Variants in SAMD13 observed in about 807,000 individuals in gnomAD.
The protein encoded by SAMD13 is sterile alpha motif domain containing 13, also known as sterile alpha motif domain-containing protein 13.
Under a neutral mutation model 12.4 loss-of-function variants are expected in SAMD13, and 9 were observed. The observed-to-expected ratio is 0.72, with a 90% CI of 0.44 to 1.26. The LOEUF (loss-of-function observed/expected upper bound fraction) is 1.26. SAMD13 is among the 50% of genes most tolerant of loss of function. The pLI, the probability that SAMD13 is intolerant of heterozygous loss-of-function variation, is 0.00. For synonymous variants in SAMD13, 46 were observed against 45.4 expected, an observed-to-expected ratio of 1.01 and a Z score of -0.05; for missense variants, 84 against 119.6, an observed-to-expected ratio of 0.70 and a Z score of 1.39.
At chr1:84,302,295 T>C (rs1678468094) in intron 1 of SAMD13, among the ~76,000 whole-genome samples, 1 of 151,612 alleles carries the variant, frequency 6.6e-6, no homozygotes, top group Non-Finnish European at 1.5e-5. Context: ...AATTTATGGC[T>C]TCAGCTGAAT....
chr1:84,348,256 T>C (rs1570268235), intron 3 of SAMD13, among the ~76,000 whole-genome samples: 1 of 152,268 alleles, frequency 6.6e-6, no homozygotes, highest in South Asian at 2.1e-4. Context: ...AAAGTGGGTG[T>C]TTCTTCAGCC....
chr1:84,314,130 T>C (rs950342211), intron 2 of SAMD13, among the ~76,000 whole-genome samples: 1 of 152,132 alleles, frequency 6.6e-6, no homozygotes, highest in East Asian at 1.9e-4. Flanking sequence ...AAAGAACTTG[T>C]ATAAAACATT....
At chr1:84,313,326 T>A (rs1295772370) in intron 2 of SAMD13, among the ~76,000 whole-genome samples, 2 of 152,178 alleles carry the variant, frequency 1.3e-5, no homozygotes, top group East Asian at 1.9e-4. Flanking sequence ...AGATTTGGGA[T>A]GAATTATAAA....
At chr1:84,309,967 T>G in intron 2 of SAMD13, among the ~76,000 whole-genome samples, 1 of 152,188 alleles carries the variant, frequency 6.6e-6, no homozygotes, top group East Asian at 1.9e-4. Context: ...AGGGCAGCTT[T>G]GCAGAAGGGT....
intron 2 of SAMD13, among the ~76,000 whole-genome samples, chr1:84,312,386 C>T (rs1322915570): frequency 6.6e-6 from 1 of 151,474 alleles, no homozygotes; most frequent in Non-Finnish European, 1.5e-5. Flanking sequence ...CTCAATTCTG[C>T]TCTTTTTAGA....
chr1:84,317,732 C>T (rs557478130), intron 2 of SAMD13, among the ~76,000 whole-genome samples: 2 of 152,118 alleles, frequency 1.3e-5, no homozygotes, highest in South Asian at 4.2e-4. Flanking sequence ...GAAATGTTCC[C>T]TCCTCTTCAA....
intron 3 of SAMD13, among the ~76,000 whole-genome samples, chr1:84,337,503 A>G (rs1038531205): frequency 2.0e-5 from 3 of 152,156 alleles, no homozygotes; most frequent in African/African-American, 7.2e-5. Context: ...CCTTTCAGCC[A>G]TGGCTGGAGT....
chr1:84,345,358 T>C (rs1416452903), intron 3 of SAMD13: 1 of 386,814 alleles, frequency 2.6e-6, no homozygotes, highest in Non-Finnish European at 5.1e-6. Context: ...ACTGAATTGG[T>C]GTTTGAGAAT....
intron 3 of SAMD13, among the ~76,000 whole-genome samples, chr1:84,341,094 C>G (rs886445195): frequency 4.6e-5 from 7 of 152,208 alleles, no homozygotes; most frequent in African/African-American, 1.7e-4. Context: ...CCTCACCCTC[C>G]CATTCTCAGT....
chr1:84,331,354 A>AC lies in SAMD13; in HGVS notation c.165+5606_165+5607insC, dbSNP rs1553201703. Among the ~76,000 whole-genome samples, 347 of 82,450 alleles carry AC rather than the reference A, an allele frequency of 4.2e-3. 49 individuals carry two copies. Among genetic ancestry groups the AC allele is most frequent in the African/African-American group, 0.014 (334 of 23,256 alleles). The allele number at this position is 82,450 out of a possible 152,430, so 54.1% of individuals were successfully genotyped here. The stretch of plus-strand genomic sequence containing the variant: ...AAAAAAAAAAAAAAAAAAAAAAAAA[A>AC]AAAATTATGGATACAAACTTGTTAA... On this transcript the variant is annotated intron_variant, in intron 3 of 3. Coordinates refer to ENST00000394834, the MANE Select transcript of SAMD13 (RefSeq NM_001134663.2).
intron 3 of SAMD13, among the ~76,000 whole-genome samples, chr1:84,327,473 A>G (rs886759100): frequency 1.3e-5 from 2 of 152,036 alleles, no homozygotes; most frequent in Admixed American, 6.6e-5. Flanking sequence ...GTATGAGGGA[A>G]ATTTCTGGGT....
At chr1:84,310,773 T>C (rs1424335401) in intron 2 of SAMD13, among the ~76,000 whole-genome samples, 2 of 152,186 alleles carry the variant, frequency 1.3e-5, no homozygotes, top group Non-Finnish European at 2.9e-5. Context: ...AACATTGAAT[T>C]CAAAGGGGTT....
At chr1:84,348,436 C>G (rs1377949748) in intron 3 of SAMD13, among the ~76,000 whole-genome samples, 1 of 152,060 alleles carries the variant, frequency 6.6e-6, no homozygotes, top group African/African-American at 2.4e-5. Context: ...GTCTGTCGGT[C>G]AGTGGAGGAG....
Position 84,303,247 on chromosome 1 carries a change from G to C in SAMD13, c.13G>C (p.Asp5His). 6.2e-7 allele frequency: 1 copy of C among 1,613,138 alleles called. No individual in the cohort carries two copies. Among genetic ancestry groups the C allele is most frequent in the Non-Finnish European group, 8.5e-7 (1 of 1,179,262 alleles). MLSV[D>H]MENKENGSVG... Reference sequence around the variant, plus strand: ...CTGCAGCCTTCCCATGCTATCTGTTGACATGGAAAACAAGGAAAATGGCTC... The same window carrying C: ...CTGCAGCCTTCCCATGCTATCTGTTCACATGGAAAACAAGGAAAATGGCTC... The change falls in exon 2 of 4, where the codon GAC becomes CAC. Residue 5 changes from aspartate to histidine, a missense_variant. Coordinates refer to ENST00000394834, the MANE Select transcript of SAMD13 (RefSeq NM_001134663.2).
chr1:84,323,335 T>C (rs184539680), intron 2 of SAMD13, among the ~76,000 whole-genome samples: 1 of 152,268 alleles, frequency 6.6e-6, no homozygotes, highest in Non-Finnish European at 1.5e-5. Context: ...TAAAAACACA[T>C]AGTTAATATT....
chr1:84,329,498 C>G (rs750363085), intron 3 of SAMD13, among the ~76,000 whole-genome samples: 1 of 152,102 alleles, frequency 6.6e-6, no homozygotes, highest in East Asian at 1.9e-4. Flanking sequence ...TTTCTAGCAG[C>G]GTGACCTCTT....
chr1:84,333,633 G>A (rs535573016), intron 3 of SAMD13, among the ~76,000 whole-genome samples: 1 of 152,122 alleles, frequency 6.6e-6, no homozygotes, highest in South Asian at 2.1e-4. Context: ...GAGACTATGG[G>A]GTTTTCTAGG....
At position 84,329,541 on chromosome 1, in the gene SAMD13, A is replaced by G. The variant is rs139960994; in HGVS notation, c.165+3793A>G. Among the ~76,000 whole-genome samples the G allele has an allele frequency of 1.5e-3, 226 of 152,312 alleles. 5 individuals carry two copies. In the East Asian group the frequency reaches 0.042, roughly 28 times the overall value. On this transcript the variant is annotated intron_variant, in intron 3 of 3. Transcript: ENST00000394834. ...GTCAGGCCATTGAGCAAGATTTATC[A>G]GAGGGCAAGATTTGTCCTGTGTTCC... is the stretch of plus-strand genomic sequence containing the variant.
At chr1:84,320,595 T>C (rs879287452) in intron 2 of SAMD13, among the ~76,000 whole-genome samples, 1 of 152,226 alleles carries the variant, frequency 6.6e-6, no homozygotes, top group Admixed American at 6.5e-5. Flanking sequence ...AAGAGATCAA[T>C]ATTAATTTAT....
Sources: gnomAD v4.1 joint callset for allele counts (sites outside exome capture counted in the v4.1 genomes callset) on GRCh38, gnomAD v4.1.1 for gene constraint, MANE v1.5 for transcripts, NCBI Gene and HGNC (gene_info 2026-07-23, HGNC 2026-07-21) for gene names.